The following ANKRD17 variants were observed in gnomAD, a reference collection of about 807,000 sequenced individuals.
ANKRD17 encodes the protein ankyrin repeat domain-containing protein 17.
In ANKRD17, 19 loss-of-function variants were observed where a neutral mutation model predicts 229.7. That is an observed-to-expected ratio of 0.08 (90% CI 0.06 to 0.12). ANKRD17 has a LOEUF of 0.12. Among genes scored for constraint, ANKRD17 ranks in the 10% least tolerant of loss-of-function variants. The pLI, the probability that ANKRD17 is intolerant of heterozygous loss-of-function variation, is 1.00. For missense variants in ANKRD17, 2,176 were observed against 3,176.8 expected, an observed-to-expected ratio of 0.68 and a Z score of 7.57; for synonymous variants, 1,112 against 1,146.1, an observed-to-expected ratio of 0.97 and a Z score of 0.60.
In ANKRD17 at chr4:73,075,185, CTGT is replaced by C. The variant is rs1001650034; in HGVS notation, c.*1043_*1045del. ...CTGAAAATTGAAATTTTTATGTTGA[CTGT>C]TGATGACTGAAAAGCCAATGTTAAG... On this transcript the variant is annotated 3_prime_UTR_variant, in exon 34 of 34. Transcript: ENST00000358602. 2 of 152,046 alleles carry C rather than the reference CTGT, an allele frequency of 1.3e-5. No homozygotes were observed. Among genetic ancestry groups the C allele is most frequent in the African/African-American group, 4.8e-5 (2 of 41,420 alleles). 9.4% of individuals were successfully genotyped at this position (152,046 alleles called of 1,614,324 possible).
intron 1 of ANKRD17, among the ~76,000 whole-genome samples, chr4:73,206,794 T>C (rs1404455537): frequency 6.6e-6 from 1 of 152,146 alleles, no homozygotes; most frequent in Non-Finnish European, 1.5e-5. Context: ...AATAACAATG[T>C]ACTGTACACT....
rs1729398155 is a variant in ANKRD17, at chr4:73,139,866, A to C, written c.2750T>G (p.Val917Gly). 2 of 1,613,862 alleles carry C rather than the reference A, an allele frequency of 1.2e-6. No individual in the cohort carries two copies. The highest frequency in any genetic ancestry group is 1.7e-6 in the Non-Finnish European group (2 of 1,179,942). The change falls in exon 15 of 34, where the codon GTT becomes GGT. Residue 917 changes from valine (V) to glycine (G), a missense_variant. Transcript: ENST00000358602. ...QHLGLLTPVG[V>G]GEQLSEGDYA... Reference sequence around the variant, plus strand: ...GTCTCCCTCAGAAAGCTGCTCTCCAACTCCAACAGGAGTTAGTAATCCCAG... The same window carrying C: ...GTCTCCCTCAGAAAGCTGCTCTCCACCTCCAACAGGAGTTAGTAATCCCAG...
At chr4:73,158,367 T>C (rs1732054449) in intron 3 of ANKRD17, among the ~76,000 whole-genome samples, 2 of 152,180 alleles carry the variant, frequency 1.3e-5, no homozygotes, top group African/African-American at 4.8e-5. Flanking sequence ...CTCACCCTTA[T>C]TCCTTCCACT....
At chr4:73,099,373 T>C (rs1228965575) in intron 25 of ANKRD17, among the ~76,000 whole-genome samples, 1 of 151,978 alleles carries the variant, frequency 6.6e-6, no homozygotes, top group Non-Finnish European at 1.5e-5. Context: ...CTGGCCTCAG[T>C]TCCCAGCTCC....
intron 1 of ANKRD17, among the ~76,000 whole-genome samples, chr4:73,217,459 C>T (rs192870441): frequency 6.6e-6 from 1 of 152,270 alleles, no homozygotes; most frequent in Non-Finnish European, 1.5e-5. Context: ...GCAAAATATA[C>T]AGGTTGATCA....
rs751750436 is a variant in ANKRD17 at position 73,076,236 on chromosome 4, C to G, written c.7807G>C (p.Gly2603Arg). ...HMNSVHMNQL[G>R] ...GGCTAACAAGCTGATCCTCATCAGC[C>G]AAGCTGGTTCATATGCACACTGTTC... Residue 2603 changes from glycine to arginine, a missense_variant, in exon 34 of 34, where the codon GGC (glycine) becomes CGC (arginine). By Grantham distance (125) the Gly-to-Arg change is moderately radical (BLOSUM62 -2). Around this residue, in one of 18 missense-constraint regions of ANKRD17, gnomAD observed 159 missense variants for 214.3 expected, o/e 0.74. Coordinates refer to ENST00000358602, the MANE Select transcript of ANKRD17 (RefSeq NM_032217.5). The G allele has an allele frequency of 3.7e-6, 6 of 1,609,744 alleles. No individual in the cohort carries two copies. The East Asian group carries it at 9.0e-5, about 24-fold the overall frequency.
Position 73,078,042 on chromosome 4 carries a change from G to A in ANKRD17, c.7409-509C>T, listed in dbSNP as rs1721174325. On this transcript the variant is annotated intron_variant, in intron 31 of 33. Coordinates refer to ENST00000358602, the MANE Select transcript of ANKRD17 (RefSeq NM_032217.5). Reference sequence around the variant, plus strand: ...AGGTGGGTGAGTCACTTGAAGTCAGGAGTTTGATACCAGCCTGATCAACAT... The same window carrying A: ...AGGTGGGTGAGTCACTTGAAGTCAGAAGTTTGATACCAGCCTGATCAACAT... 2.0e-5 allele frequency among the ~76,000 whole-genome samples: 3 copies of A among 152,248 alleles called. No homozygotes were observed. The South Asian group carries it at 6.2e-4, about 32-fold the overall frequency.
chr4:73,189,944 T>C (rs1469045268), intron 1 of ANKRD17, among the ~76,000 whole-genome samples: 1 of 152,218 alleles, frequency 6.6e-6, no homozygotes, highest in Non-Finnish European at 1.5e-5. Context: ...CTAACATTAA[T>C]GCAATCACCA....
intron 2 of ANKRD17, among the ~76,000 whole-genome samples, chr4:73,174,937 T>C (rs1464421891): frequency 6.6e-6 from 1 of 151,876 alleles, no homozygotes; most frequent in Non-Finnish European, 1.5e-5. Context: ...ACAAGAAAAA[T>C]GGGAAAATAT....
chr4:73,194,642 T>C (rs1430642215), intron 1 of ANKRD17, among the ~76,000 whole-genome samples: 2 of 152,160 alleles, frequency 1.3e-5, no homozygotes, highest in African/African-American at 2.4e-5. Flanking sequence ...TTTAACAGTA[T>C]TGACTTTTAA....
At chr4:73,202,047 T>C (rs1000577059) in intron 1 of ANKRD17, among the ~76,000 whole-genome samples, 2 of 152,078 alleles carry the variant, frequency 1.3e-5, no homozygotes, top group African/African-American at 4.8e-5. Flanking sequence ...TTATTAGCCA[T>C]GAAAGATTTT....
intron 1 of ANKRD17, among the ~76,000 whole-genome samples, chr4:73,235,938 A>C (rs1484640981): frequency 6.6e-6 from 1 of 152,038 alleles, no homozygotes; most frequent in African/African-American, 2.4e-5. Flanking sequence ...TCCTGAGCTC[A>C]TGCAATCCTC....
rs1008810276 is a variant in ANKRD17 at position 73,132,647 on chromosome 4, A to G, written c.3234+2470T>C. On this transcript the variant is annotated intron_variant, in intron 16 of 33. Coordinates refer to ENST00000358602, the MANE Select transcript of ANKRD17 (RefSeq NM_032217.5). Reference sequence around the variant, plus strand: ...TAAGGAGTCATAGTCAAATTTTTCTATAAAAGCATGTCTACTATGTTTAAA... The same window carrying G: ...TAAGGAGTCATAGTCAAATTTTTCTGTAAAAGCATGTCTACTATGTTTAAA... 3.3e-5 allele frequency among the ~76,000 whole-genome samples: 5 copies of G among 152,308 alleles called. No individual in the cohort carries two copies. In the East Asian group the frequency reaches 5.8e-4, roughly 18 times the overall value.
intron 1 of ANKRD17, among the ~76,000 whole-genome samples, chr4:73,253,802 G>A (rs1745227773): frequency 6.6e-6 from 1 of 152,112 alleles, no homozygotes. Context: ...TCATCACTAC[G>A]AAAAGGAATT....
Position 73,156,223 on chromosome 4 carries a change from G to A in ANKRD17, c.705-57C>T, listed in dbSNP as rs1731639485. The A allele has an allele frequency of 2.2e-5, 34 of 1,511,782 alleles. 1 individual carries two copies. In the South Asian group the frequency reaches 2.4e-4, roughly 11 times the overall value. 93.6% of individuals were successfully genotyped at this position (1,511,782 alleles called of 1,614,324 possible). A position where few individuals can be genotyped will look rare whatever the true frequency, so the allele number is the denominator to read the frequency against. On this transcript the variant is annotated intron_variant, in intron 3 of 33. Transcript: ENST00000358602. ...TATAAGAATATTAAAAAATTGCACAGCATAAATATTGTTTTTGATTGTTTT... is the reference window on the plus strand; with the variant it reads ...TATAAGAATATTAAAAAATTGCACAACATAAATATTGTTTTTGATTGTTTT...
At chr4:73,242,489 T>A (rs189372947) in intron 1 of ANKRD17, among the ~76,000 whole-genome samples, 20 of 152,344 alleles carry the variant, frequency 1.3e-4, no homozygotes, top group Non-Finnish European at 2.5e-4. Flanking sequence ...AAGTATGCCA[T>A]GTTTCCGAAT....
intron 1 of ANKRD17, among the ~76,000 whole-genome samples, chr4:73,191,337 A>ATGTGTGTGTGTG (rs1349894740): frequency 9.2e-4 from 57 of 61,936 alleles, no homozygotes; most frequent in African/African-American, 2.1e-3. Context: ...ACCAAAAAAT[A>ATGTGTGTGTGTG]TATATGTGTG....
At chr4:73,097,009 C>A (rs1194300125) in intron 27 of ANKRD17, 108 bp downstream of exon 27, 8 of 1,288,718 alleles carry the variant, frequency 6.2e-6, no homozygotes, top group Non-Finnish European at 8.5e-6. Flanking sequence ...CTTGAACCAT[C>A]AGTTTGTTTG....
At chr4:73,209,372 C>T (rs902292285) in intron 1 of ANKRD17, among the ~76,000 whole-genome samples, 6 of 152,076 alleles carry the variant, frequency 3.9e-5, no homozygotes, top group Non-Finnish European at 7.4e-5. Flanking sequence ...AGGACTATTA[C>T]GAACAACTCT....
Sources: allele counts gnomAD v4.1 joint callset (sites outside exome capture counted in the v4.1 genomes callset), GRCh38; gene constraint gnomAD v4.1.1; regional missense constraint gnomAD v4.1.1; transcripts MANE v1.5; gene names NCBI Gene and HGNC (gene_info 2026-07-23, HGNC 2026-07-21).